The following RSRP1 variants were observed in gnomAD, a reference collection of about 807,000 sequenced individuals.
RSRP1 encodes the protein arginine/serine-rich protein 1.
RSRP1 carries 37 observed loss-of-function variants against 33.0 expected under a neutral mutation model. The ratio of observed to expected loss-of-function variants is 1.12; its 90% CI spans 0.86 to 1.48. The LOEUF is 1.48. RSRP1 is among the 40% of genes most tolerant of loss of function. The probability of loss-of-function intolerance (pLI) is 0.00; values close to 1 mark genes in which losing one functional copy is unlikely to be tolerated. For missense variants in RSRP1, 402 were observed against 385.3 expected (o/e 1.04, Z -0.36); for synonymous variants, 167 against 158.7 (o/e 1.05, Z -0.40).
chr1:25,319,072 A>C (rs1285863209), intron 1 of RSRP1, among the ~76,000 whole-genome samples: 1 of 132,190 alleles, frequency 7.6e-6, no homozygotes, highest in East Asian at 1.9e-4. Context: ...TCTGTTTTTA[A>C]ATTTGAAATG....
intron 2 of RSRP1, among the ~76,000 whole-genome samples, chr1:25,245,560 C>T (rs76464081): frequency 0.016 from 2,389 of 152,246 alleles, 33 homozygotes; most frequent in Non-Finnish European, 0.025. Flanking sequence ...CAAGTGTGCG[C>T]GAGGGTTCCA....
chr1:25,319,795 A>G, intron 1 of RSRP1, among the ~76,000 whole-genome samples: 1 of 132,926 alleles, frequency 7.5e-6, no homozygotes, highest in South Asian at 2.3e-4. Flanking sequence ...CAGCCCAGGT[A>G]GATTAGAAAT....
chr1:25,281,621 A>G (rs1641494690), intron 1 of RSRP1, among the ~76,000 whole-genome samples: 1 of 131,598 alleles, frequency 7.6e-6, no homozygotes, highest in Non-Finnish European at 1.8e-5. Flanking sequence ...TAATCCCAAG[A>G]GGAACCCCTG....
chr1:25,308,905 C>T lies in RSRP1; in HGVS notation c.-67+29073G>A, dbSNP rs1297229727. On this transcript the variant is annotated intron_variant, in intron 1 of 1. Coordinates refer to the RSRP1 transcript ENST00000561867. ...CTGAAACTCTCTAAATCTCAGTTTT[C>T]TATCTGTAAAATGGGAAAATAAGAC... Among the ~76,000 whole-genome samples the T allele has an allele frequency of 2.3e-5, 3 of 131,650 alleles. 1 individual carries two copies. The highest frequency in any genetic ancestry group is 5.4e-5 in the Non-Finnish European group (3 of 55,836). The allele number at this position is 131,650 out of a possible 152,430, so 86.4% of individuals were successfully genotyped here. A position where few individuals can be genotyped will look rare whatever the true frequency, so the allele number is the denominator to read the frequency against.
intron 1 of RSRP1, among the ~76,000 whole-genome samples, chr1:25,318,934 C>T (rs1170731586): frequency 7.5e-6 from 1 of 133,026 alleles, no homozygotes; most frequent in East Asian, 1.9e-4. Context: ...CTGGCCTTAG[C>T]TTTTTGCAGA....
Position 25,245,303 on chromosome 1 carries a change from T to TAA in RSRP1, c.521-4_521-3dup. 1.4e-6 allele frequency: 2 copies of TAA among 1,394,440 alleles called. No individual in the cohort carries two copies. Among genetic ancestry groups the TAA allele is most frequent in the Non-Finnish European group, 1.9e-6 (2 of 1,028,324 alleles). 86.4% of individuals were successfully genotyped at this position (1,394,440 alleles called of 1,614,324 possible). ...CTATTTCTAACAGCTCCATTCGATC[T>TAA]AAAAAAAAAAGAGAGAGATTTTAAA... On this transcript the variant is annotated splice_polypyrimidine_tract_variant and splice_region_variant and intron_variant, in intron 2 of 4. Transcript: ENST00000243189.
chr1:25,245,085 G>C, intron 3 of RSRP1, 65 bp downstream of exon 3: 1 of 1,613,478 alleles, frequency 6.2e-7, no homozygotes, highest in Non-Finnish European at 8.5e-7. Flanking sequence ...TAAGATATAA[G>C]TGGCTAATCA....
In RSRP1 at chr1:25,245,255, A is replaced by G. The variant is rs1639261067; in HGVS notation, c.567T>C (p.Ala189=). 2 of 1,613,872 alleles carry G rather than the reference A, an allele frequency of 1.2e-6. No individual in the cohort carries two copies. Among genetic ancestry groups the G allele is most frequent in the African/African-American group, 1.3e-5 (1 of 74,874 alleles). ...LEIAKTNAAK[A]LGTTNIDLPA... ...GCAAGTCAATGTTGGTTGTTCCTAGAGCTTTCGCTGCATTGGTTTTTGCTA... is the reference window on the plus strand; with the variant it reads ...GCAAGTCAATGTTGGTTGTTCCTAGGGCTTTCGCTGCATTGGTTTTTGCTA... The change falls in exon 3 of 5, where the codon GCT becomes GCC. Residue 189 remains alanine (A), a synonymous_variant. Transcript: ENST00000243189.
At chr1:25,245,003 G>T in intron 3 of RSRP1, 147 bp downstream of exon 3, 1 of 1,542,848 alleles carries the variant, frequency 6.5e-7, no homozygotes, top group African/African-American at 1.4e-5. Context: ...GTTTGACATT[G>T]CCTATCTTCA....
chr1:25,337,000 A>T (rs1645090132), intron 1 of RSRP1: 1 of 153,094 alleles, frequency 6.5e-6, no homozygotes, highest in African/African-American at 2.4e-5. Flanking sequence ...CATGTCAATC[A>T]GATGAACCTG....
chr1:25,323,342 C>T (rs563180681), intron 1 of RSRP1, among the ~76,000 whole-genome samples: 2 of 103,348 alleles, frequency 1.9e-5, no homozygotes, highest in Admixed American at 2.0e-4. Flanking sequence ...AGACAAGGAG[C>T]ACACCCATCA....
intron 3 of RSRP1, 34 bp downstream of exon 3, chr1:25,245,116 G>C (rs764915200): frequency 6.2e-7 from 1 of 1,614,080 alleles, no homozygotes; most frequent in South Asian, 1.1e-5. Flanking sequence ...TTGGCTTTCT[G>C]AAAGTTTTGT....
chr1:25,249,244 G>A (rs1457521941), upstream of RSRP1, among the ~76,000 whole-genome samples: 6 of 152,140 alleles, frequency 3.9e-5, no homozygotes, highest in Admixed American at 3.3e-4. Context: ...ATACAGTTTT[G>A]AGCTCTTGGT....
In RSRP1 at chr1:25,319,696, C is replaced by T. The variant is rs568422144; in HGVS notation, c.-67+18282G>A. Among the ~76,000 whole-genome samples, 2 of 132,184 alleles carry T rather than the reference C, an allele frequency of 1.5e-5. 1 individual carries two copies. Among genetic ancestry groups the T allele is most frequent in the Non-Finnish European group, 3.6e-5 (2 of 55,762 alleles). 86.7% of individuals were successfully genotyped at this position (132,184 alleles called of 152,430 possible). ...TTGCACCAAATGGACTCCCAGAAGA[C>T]AAGCATTTAATTTGTTAATTGAGCC... On this transcript the variant is annotated intron_variant, in intron 1 of 1. Coordinates refer to the RSRP1 transcript ENST00000561867.
chr1:25,286,174 C>G (rs1439379095), intron 1 of RSRP1, among the ~76,000 whole-genome samples: 1 of 135,244 alleles, frequency 7.4e-6, no homozygotes, highest in African/African-American at 2.6e-5. Flanking sequence ...AGGGAAAAAA[C>G]TTTATATATT....
intron 1 of RSRP1, among the ~76,000 whole-genome samples, chr1:25,321,388 T>TGGTG (rs1644691135): frequency 8.4e-6 from 1 of 118,832 alleles, no homozygotes; most frequent in Non-Finnish European, 2.0e-5. Context: ...CGGCCAGGTG[T>TGGTG]GGTGGCTCAT....
At chr1:25,243,931 G>A in intron 3 of RSRP1, 1 of 1,172,552 alleles carries the variant, frequency 8.5e-7, no homozygotes, top group Non-Finnish European at 1.1e-6. Flanking sequence ...AGCCACATCA[G>A]AAAATACGTT....
rs549965832 is a variant in RSRP1, at chr1:25,278,535, G to A, written c.-66-31506C>T. 9.1e-5 allele frequency among the ~76,000 whole-genome samples: 12 copies of A among 131,574 alleles called. No homozygotes were observed. The East Asian group carries it at 2.4e-3, about 26-fold the overall frequency. The allele number at this position is 131,574 out of a possible 152,430, so 86.3% of individuals were successfully genotyped here. On this transcript the variant is annotated intron_variant, in intron 1 of 1. Transcript: ENST00000561867. ...GGGTCATTCATGCATCTGCAGTTTG[G>A]GGTGGGATGGCCTCAGATGACCTCA...
At position 25,329,030 on chromosome 1, in the gene RSRP1, A is replaced by G. The variant is rs771932822; in HGVS notation, c.-67+8948T>C. 4.4e-6 allele frequency: 6 copies of G among 1,377,970 alleles called. 2 individuals carry two copies. Among genetic ancestry groups the G allele is most frequent in the African/African-American group, 1.4e-5 (1 of 70,808 alleles). The allele number at this position is 1,377,970 out of a possible 1,614,324, so 85.4% of individuals were successfully genotyped here. A position where few individuals can be genotyped will look rare whatever the true frequency, so the allele number is the denominator to read the frequency against. On this transcript the variant is annotated intron_variant, in intron 1 of 1. Coordinates refer to the RSRP1 transcript ENST00000561867. The stretch of plus-strand genomic sequence containing the variant: ...AACGCTCATGACAGCAAAGTCTCCA[A>G]TGTTCGCGCAGGCACTGGAGTCAGA...
Sources: allele counts gnomAD v4.1 joint callset (sites outside exome capture counted in the v4.1 genomes callset), GRCh38; gene constraint gnomAD v4.1.1; transcripts MANE v1.5; gene names NCBI Gene and HGNC (gene_info 2026-07-23, HGNC 2026-07-21).